The following PAX7 variants were observed in gnomAD, a reference collection of about 807,000 sequenced individuals.
PAX7 encodes paired box protein Pax-7.
PAX7 carries 18 observed loss-of-function variants against 50.7 expected under a neutral mutation model. The ratio of observed to expected loss-of-function variants is 0.36; its 90% CI spans 0.25 to 0.53. The LOEUF is 0.53. Among genes scored for constraint, PAX7 ranks in the 20% least tolerant of loss-of-function variants. The pLI is 0.93. For synonymous variants in PAX7, 310 were observed against 290.4 expected, an observed-to-expected ratio of 1.07 and a Z score of -0.69; for missense variants, 644 against 702.9, an observed-to-expected ratio of 0.92 and a Z score of 0.95.
At chr1:18,708,926 G>A (rs899380131) in intron 7 of PAX7, among the ~76,000 whole-genome samples, 1 of 152,186 alleles carries the variant, frequency 6.6e-6, no homozygotes, top group African/African-American at 2.4e-5. Flanking sequence ...GTCATTCAGA[G>A]CTGCAGTATT....
chr1:18,667,363 AG>A (rs1342139814), intron 4 of PAX7, among the ~76,000 whole-genome samples: 1 of 151,196 alleles, frequency 6.6e-6, no homozygotes, highest in African/African-American at 2.4e-5. Context: ...GAAGGAAGGA[AG>A]GAAAAAAGAA....
chr1:18,655,646 T>C (rs536917189), intron 4 of PAX7, among the ~76,000 whole-genome samples: 1 of 152,340 alleles, frequency 6.6e-6, no homozygotes, highest in African/African-American at 2.4e-5. Context: ...GCTAATTCAT[T>C]TGACTCGGAA....
intron 4 of PAX7, among the ~76,000 whole-genome samples, chr1:18,677,651 A>G (rs1385424397): frequency 2.6e-5 from 4 of 150,948 alleles, no homozygotes; most frequent in Non-Finnish European, 5.9e-5. Context: ...CTCTGGAGGG[A>G]AAAGAAACTG....
At chr1:18,736,733 A>G (rs1469259959) in intron 8 of PAX7, among the ~76,000 whole-genome samples, 1 of 152,248 alleles carries the variant, frequency 6.6e-6, no homozygotes, top group Admixed American at 6.5e-5. Flanking sequence ...GAGAAAATAT[A>G]CTTACAAACC....
rs145003605 is a variant in PAX7 at position 18,654,026 on chromosome 1, G to A, written c.586+17655G>A. ...TGTCGCAGGAGAGCCTTTCTTTCTC[G>A]GGACTGCAAATACGCCAAAGATGAA... On this transcript the variant is annotated intron_variant, in intron 4 of 8. Coordinates refer to ENST00000420770, the MANE Select transcript of PAX7 (RefSeq NM_001135254.2). 5.0e-3 allele frequency among the ~76,000 whole-genome samples: 758 copies of A among 152,046 alleles called. 7 individuals carry two copies. Among genetic ancestry groups the A allele is most frequent in the African/African-American group, 0.017 (696 of 41,466 alleles).
chr1:18,657,342 T>C (rs957263649), intron 4 of PAX7, among the ~76,000 whole-genome samples: 1 of 151,250 alleles, frequency 6.6e-6, no homozygotes, highest in South Asian at 2.1e-4. Flanking sequence ...AGAAGCCTCA[T>C]GTGGAGAGGA....
chr1:18,701,351 T>G (rs1430612500), intron 6 of PAX7, among the ~76,000 whole-genome samples: 2 of 152,026 alleles, frequency 1.3e-5, no homozygotes, highest in East Asian at 3.9e-4. Flanking sequence ...TGTGAGTGCA[T>G]GAGTGTGTGC....
chr1:18,739,157 C>A (rs1366385678), intron 8 of PAX7, among the ~76,000 whole-genome samples: 1 of 152,212 alleles, frequency 6.6e-6, no homozygotes, highest in Non-Finnish European at 1.5e-5. Flanking sequence ...AGTTATTTGT[C>A]CCCAGGTTGC....
chr1:18,663,277 TC>T (rs1205434966), intron 4 of PAX7, among the ~76,000 whole-genome samples: 1 of 152,228 alleles, frequency 6.6e-6, no homozygotes, highest in Non-Finnish European at 1.5e-5. Flanking sequence ...GCCATTGCTG[TC>T]CCCATTGTAC....
rs1257276288 is a variant in PAX7 at position 18,651,847 on chromosome 1, T to A, written c.586+15476T>A. ...CCCCCCCCACCCCACCGCCTCTTCATGCACCTGCTGAGGCTTCCGGCCTCT... is the reference window on the plus strand; with the variant it reads ...CCCCCCCCACCCCACCGCCTCTTCAAGCACCTGCTGAGGCTTCCGGCCTCT... On this transcript the variant is annotated intron_variant, in intron 4 of 8. Coordinates refer to ENST00000420770, the MANE Select transcript of PAX7 (RefSeq NM_001135254.2). Among the ~76,000 whole-genome samples the A allele has an allele frequency of 2.7e-5, 3 of 110,166 alleles. No individual in the cohort carries two copies. The Admixed American group carries it at 3.2e-4, about 12-fold the overall frequency. The allele number at this position is 110,166 out of a possible 152,430, so 72.3% of individuals were successfully genotyped here. A position where few individuals can be genotyped will look rare whatever the true frequency, so the allele number is the denominator to read the frequency against.
intron 4 of PAX7, among the ~76,000 whole-genome samples, chr1:18,681,182 A>G (rs2088894557): frequency 7.0e-6 from 1 of 143,600 alleles, no homozygotes; most frequent in African/African-American, 2.7e-5. Flanking sequence ...AAAAAAAAAA[A>G]AAAAAAAAAG....
intron 4 of PAX7, among the ~76,000 whole-genome samples, chr1:18,687,965 G>T (rs1168894074): frequency 6.6e-6 from 1 of 152,162 alleles, no homozygotes; most frequent in Non-Finnish European, 1.5e-5. Context: ...AGCTGCAGGT[G>T]ACTTGCAGGA....
At chr1:18,709,578 G>T (rs1457285290) in intron 7 of PAX7, among the ~76,000 whole-genome samples, 2 of 152,182 alleles carry the variant, frequency 1.3e-5, no homozygotes, top group African/African-American at 4.8e-5. Context: ...GCCAGGTCCC[G>T]ATGGGCCTGA....
At chr1:18,681,981 A>G (rs2088908376) in intron 4 of PAX7, among the ~76,000 whole-genome samples, 1 of 151,868 alleles carries the variant, frequency 6.6e-6, no homozygotes, top group Non-Finnish European at 1.5e-5. Context: ...CAGATGATCC[A>G]CCCACCTTGG....
rs78044081 is a variant in PAX7, at chr1:18,725,310, C to A, written c.1156-10322C>A. Among the ~76,000 whole-genome samples the A allele has an allele frequency of 4.4e-4, 20 of 45,302 alleles. 1 individual carries two copies. Among genetic ancestry groups the A allele is most frequent in the African/African-American group, 1.7e-3 (12 of 6,974 alleles). The allele number at this position is 45,302 out of a possible 152,430, so 29.7% of individuals were successfully genotyped here. On this transcript the variant is annotated intron_variant, in intron 7 of 8. Coordinates refer to ENST00000420770, the MANE Select transcript of PAX7 (RefSeq NM_001135254.2). ...ATTACAGAGGTGGAGACGCCCCCCC[C>A]CCGCCCCACCAACACCGCCAGGCCA...
intron 7 of PAX7, among the ~76,000 whole-genome samples, chr1:18,716,622 G>T (rs1277033655): frequency 7.2e-6 from 1 of 138,784 alleles, no homozygotes; most frequent in African/African-American, 2.8e-5. Context: ...CTTGCTCACC[G>T]TCTCCCTGAT....
chr1:18,739,061 G>A (rs1348837206), intron 8 of PAX7, among the ~76,000 whole-genome samples: 4 of 152,192 alleles, frequency 2.6e-5, no homozygotes, highest in Non-Finnish European at 5.9e-5. Context: ...AGGTCCATCT[G>A]TCCTCCCTTA....
chr1:18,682,842 G>A (rs896294577), intron 4 of PAX7, among the ~76,000 whole-genome samples: 4 of 152,182 alleles, frequency 2.6e-5, no homozygotes, highest in Admixed American at 2.6e-4. Context: ...GGAGTTGATG[G>A]AGAACCCATC....
Position 18,706,514 on chromosome 1 carries a change from T to A in PAX7, c.1155+3218T>A, listed in dbSNP as rs1399951607. On this transcript the variant is annotated intron_variant, in intron 7 of 8. Coordinates refer to ENST00000420770, the MANE Select transcript of PAX7 (RefSeq NM_001135254.2). ...TCTAAGTCTGTTGCCCAGGCTGGAG[T>A]GCAGTGGCGCGATCTTGGCTGATTG... Among the ~76,000 whole-genome samples the A allele has an allele frequency of 4.9e-5, 7 of 143,288 alleles. No homozygotes were observed. The Admixed American group carries it at 5.2e-4, about 11-fold the overall frequency. 94.0% of individuals were successfully genotyped at this position (143,288 alleles called of 152,430 possible). A position where few individuals can be genotyped will look rare whatever the true frequency, so the allele number is the denominator to read the frequency against.
Sources: gnomAD v4.1 joint callset for allele counts (sites outside exome capture counted in the v4.1 genomes callset) on GRCh38, gnomAD v4.1.1 for gene constraint, MANE v1.5 for transcripts, NCBI Gene and HGNC (gene_info 2026-07-23, HGNC 2026-07-21) for gene names.